Variants in HSD17B12 observed in about 807,000 individuals in gnomAD.
HSD17B12 encodes the protein hydroxysteroid 17-beta dehydrogenase 12.
In HSD17B12, 32 loss-of-function variants were observed where a neutral mutation model predicts 39.3. The observed-to-expected ratio is 0.81, with a 90% CI of 0.61 to 1.09. The LOEUF (loss-of-function observed/expected upper bound fraction) is 1.09, where lower values mean the gene tolerates loss of function less well. Ranked by LOEUF, HSD17B12 falls within the 50% of genes least tolerant of loss-of-function variation. HSD17B12 has a pLI of 0.00. For synonymous variants in HSD17B12, 150 were observed against 146.7 expected (o/e 1.02, Z -0.16); for missense variants, 342 against 382.9 (o/e 0.89, Z 0.89).
At chr11:43,819,098 TTTTAA>T (rs1176674886) in intron 6 of HSD17B12, among the ~76,000 whole-genome samples, 1 of 152,210 alleles carries the variant, frequency 6.6e-6, no homozygotes, top group African/African-American at 2.4e-5. Flanking sequence ...AATATGTTTG[TTTTAA>T]TTTTATTTTC....
At position 43,831,738 on chromosome 11, in the gene HSD17B12, C is replaced by T. The variant is rs935512935; in HGVS notation, c.536+728C>T. The T allele has an allele frequency of 5.3e-5, 8 of 152,168 alleles. No individual in the cohort carries two copies. The South Asian group carries it at 6.2e-4, about 12-fold the overall frequency. The allele number at this position is 152,168 out of a possible 1,614,324, so 9.4% of individuals were successfully genotyped here. A position where few individuals can be genotyped will look rare whatever the true frequency, so the allele number is the denominator to read the frequency against. On this transcript the variant is annotated intron_variant, in intron 7 of 10. Transcript: ENST00000278353. This position sits in a 1 kb window ranked among gnomAD's most constrained non-coding sequence, Gnocchi z 4.1. ...CGATCATTTGCTGAATTTAGGGCATCGTAGTCATCTTTTTTTCTGCAAAAT... is the reference window on the plus strand; with the variant it reads ...CGATCATTTGCTGAATTTAGGGCATTGTAGTCATCTTTTTTTCTGCAAAAT...
the HSD17B12 span, among the ~76,000 whole-genome samples, chr11:43,629,071 T>A: frequency 6.6e-6 from 1 of 152,090 alleles, no homozygotes; most frequent in Non-Finnish European, 1.5e-5. Context: ...CCCTACCAAT[T>A]TTTTTCCATT....
chr11:43,570,113 T>C, the HSD17B12 span: 13 of 152,744 alleles, frequency 8.5e-5, no homozygotes, highest in Admixed American at 5.2e-4. Context: ...AATCCTACTT[T>C]CTGCTAAAAT....
upstream of HSD17B12, among the ~76,000 whole-genome samples, chr11:43,678,782 C>T (rs1949715078): frequency 6.6e-6 from 1 of 152,114 alleles, no homozygotes; most frequent in South Asian, 2.1e-4. Context: ...CTGTTCTGTT[C>T]CATTGGTTTA....
At chr11:43,624,025 A>G in the HSD17B12 span, among the ~76,000 whole-genome samples, 5 of 151,858 alleles carry the variant, frequency 3.3e-5, no homozygotes, top group South Asian at 1.0e-3. Flanking sequence ...ATTGAACTGA[A>G]GAGTTGAAGC....
At chr11:43,680,353 T>C (rs61883783), upstream of HSD17B12, among the ~76,000 whole-genome samples, 5,909 of 152,272 alleles carry the variant, frequency 0.039, 155 homozygotes, top group Non-Finnish European at 0.056. Flanking sequence ...ATTACAGGTG[T>C]TAGCCACCGC....
chr11:43,812,864 CAG>C (rs1322631555), intron 4 of HSD17B12, among the ~76,000 whole-genome samples: 1 of 152,166 alleles, frequency 6.6e-6, no homozygotes, highest in Non-Finnish European at 1.5e-5. Flanking sequence ...TTGTTTGAGA[CAG>C]AGTCTCCCTC....
intron 3 of HSD17B12, among the ~76,000 whole-genome samples, chr11:43,757,418 G>A (rs1232480420): frequency 6.6e-6 from 1 of 151,150 alleles, no homozygotes; most frequent in Non-Finnish European, 1.5e-5. Context: ...TGGATCATGA[G>A]GTCAGGAGAT....
the HSD17B12 span, among the ~76,000 whole-genome samples, chr11:43,668,632 G>A: frequency 6.6e-6 from 1 of 152,008 alleles, no homozygotes; most frequent in Non-Finnish European, 1.5e-5. Context: ...CATAAATACT[G>A]TAAGAGAGTG....
the HSD17B12 span, among the ~76,000 whole-genome samples, chr11:43,571,469 G>C: frequency 1.3e-4 from 20 of 152,266 alleles, no homozygotes; most frequent in East Asian, 3.9e-3. Context: ...ATTCCTGAGT[G>C]ACTCTCTAGG....
chr11:43,828,082 ACAAGGATTTCACACTCT>A (rs899636069), intron 6 of HSD17B12, among the ~76,000 whole-genome samples: 4 of 152,074 alleles, frequency 2.6e-5, no homozygotes, highest in African/African-American at 9.7e-5. Context: ...CCCTGCAAGG[ACAAGGATTTCACACTCT>A]CACTGTTGTA....
At chr11:43,741,735 T>TTTTTC (rs1950366434) in intron 1 of HSD17B12, among the ~76,000 whole-genome samples, 1 of 137,648 alleles carries the variant, frequency 7.3e-6, no homozygotes, top group Non-Finnish European at 1.6e-5. Context: ...TTTCTTTTTC[T>TTTTTC]TTTTTTTTTT....
At chr11:43,808,620 A>G (rs1042875924) in intron 4 of HSD17B12, among the ~76,000 whole-genome samples, 1 of 152,186 alleles carries the variant, frequency 6.6e-6, no homozygotes, top group African/African-American at 2.4e-5. Flanking sequence ...TCCCTCTTCC[A>G]ATTTTATGTA....
chr11:43,763,490 G>A (rs1261440758), intron 3 of HSD17B12, among the ~76,000 whole-genome samples: 2 of 151,558 alleles, frequency 1.3e-5, no homozygotes, highest in Non-Finnish European at 1.5e-5. Context: ...ATTAAGAGAA[G>A]ACTATATTCT....
chr11:43,729,898 T>C (rs1235091319), intron 1 of HSD17B12, among the ~76,000 whole-genome samples: 3 of 152,206 alleles, frequency 2.0e-5, no homozygotes, highest in Non-Finnish European at 4.4e-5. Context: ...GGAGAGAAGG[T>C]AAAAATAATC....
At chr11:43,560,499 A>T in the HSD17B12 span, among the ~76,000 whole-genome samples, 1 of 152,162 alleles carries the variant, frequency 6.6e-6, no homozygotes, top group South Asian at 2.1e-4. Context: ...CATTTGAAGC[A>T]TCTGGTTCAA....
At chr11:43,676,932 T>C (rs374613599), upstream of HSD17B12, among the ~76,000 whole-genome samples, 10 of 152,282 alleles carry the variant, frequency 6.6e-5, no homozygotes, top group East Asian at 1.5e-3. Flanking sequence ...TGAGCTGGGA[T>C]ATATAAATTT....
chr11:43,679,986 T>C (rs1226892547), upstream of HSD17B12, among the ~76,000 whole-genome samples: 1 of 151,188 alleles, frequency 6.6e-6, no homozygotes, highest in African/African-American at 2.4e-5. Context: ...ATATATTTAT[T>C]ATATAATTAT....
intron 3 of HSD17B12, among the ~76,000 whole-genome samples, chr11:43,754,590 CA>C (rs999085667): frequency 6.6e-6 from 1 of 151,942 alleles, no homozygotes; most frequent in South Asian, 2.1e-4. Flanking sequence ...AACAAACAAA[CA>C]AAAAAAGTTT....
Sources: gnomAD v4.1 joint callset for allele counts (sites outside exome capture counted in the v4.1 genomes callset) on GRCh38, gnomAD v4.1.1 for gene constraint, Gnocchi (gnomAD v3.1) non-coding constraint, MANE v1.5 for transcripts, NCBI Gene and HGNC (gene_info 2026-07-23, HGNC 2026-07-21) for gene names.